BTRC: variants seen among roughly 807,000 people sequenced by gnomAD.
BTRC encodes the protein F-box/WD repeat-containing protein 1A.
A neutral mutation model predicts 85.5 loss-of-function variants in BTRC; 42 were observed. That is an observed-to-expected ratio of 0.49 (90% CI 0.38 to 0.64). The LOEUF is 0.64. BTRC is among the 30% of genes least tolerant of loss of function. The pLI, the probability that BTRC is intolerant of heterozygous loss-of-function variation, is 0.00. For synonymous variants in BTRC, 255 were observed against 263.3 expected, an observed-to-expected ratio of 0.97 and a Z score of 0.30; for missense variants, 594 against 743.5, an observed-to-expected ratio of 0.80 and a Z score of 2.34.
chr10:101,545,655 G>A (rs1480805135), intron 13 of BTRC, among the ~76,000 whole-genome samples: 2 of 152,186 alleles, frequency 1.3e-5, no homozygotes, highest in African/African-American at 2.4e-5. Context: ...AGAAGCATCA[G>A]AATGAAACCA....
At chr10:101,456,588 T>C (rs181787665) in intron 2 of BTRC, among the ~76,000 whole-genome samples, 3 of 152,360 alleles carry the variant, frequency 2.0e-5, no homozygotes, top group Admixed American at 6.5e-5. Flanking sequence ...AATTACTTTC[T>C]TTTTTATTCG....
At chr10:101,475,922 CATATATATATATATATATATAT>C (rs71016324) in intron 3 of BTRC, among the ~76,000 whole-genome samples, 1 of 67,570 alleles carries the variant, frequency 1.5e-5, no homozygotes, top group East Asian at 4.6e-4. Context: ...AGTATTTTGC[CATATATATATATATATATATAT>C]ATATATATAT....
intron 2 of BTRC, among the ~76,000 whole-genome samples, chr10:101,438,422 C>CAAAAAAAAAAAAA (rs34955428): frequency 5.2e-5 from 3 of 57,762 alleles, no homozygotes; most frequent in African/African-American, 2.3e-4. Context: ...GAGACTGCCT[C>CAAAAAAAAAAAAA]AAAAAAAAAA....
chr10:101,506,562 G>A (rs1946546604), intron 4 of BTRC, among the ~76,000 whole-genome samples: 1 of 152,078 alleles, frequency 6.6e-6, no homozygotes, highest in African/African-American at 2.4e-5. Flanking sequence ...ATTGTCCTTG[G>A]TAGTGTTGGT....
rs377201447 is a variant in BTRC at position 101,480,620 on chromosome 10, C to T, written c.324+1163C>T. On this transcript the variant is annotated intron_variant, in intron 4 of 14. Transcript: ENST00000370187. ...CTTCATGAATTTTGGAGAACACAAA[C>T]GTTCAGACCATAGCAAAAGCAGAGT... is the stretch of plus-strand genomic sequence containing the variant. 1.2e-4 allele frequency among the ~76,000 whole-genome samples: 18 copies of T among 152,204 alleles called. No individual in the cohort carries two copies. The South Asian group carries it at 3.5e-3, about 30-fold the overall frequency.
chr10:101,514,694 C>A (rs1294018365), intron 4 of BTRC, among the ~76,000 whole-genome samples: 1 of 152,176 alleles, frequency 6.6e-6, no homozygotes, highest in East Asian at 1.9e-4. Flanking sequence ...CTCAGGTGAT[C>A]TGCCTGCCTC....
intron 13 of BTRC, among the ~76,000 whole-genome samples, chr10:101,541,044 ATATACT>A (rs1050819976): frequency 6.6e-5 from 10 of 151,528 alleles, no homozygotes; most frequent in African/African-American, 2.4e-4. Flanking sequence ...ATACATAGAA[ATATACT>A]TTTACTTATT....
At chr10:101,366,743 C>A (rs1942386570) in intron 1 of BTRC, among the ~76,000 whole-genome samples, 3 of 124,970 alleles carry the variant, frequency 2.4e-5, no homozygotes, top group East Asian at 2.3e-4. Flanking sequence ...ATTGGAGGCC[C>A]AGGGAGTTTG....
chr10:101,525,608 A>G (rs2062178902), intron 5 of BTRC, among the ~76,000 whole-genome samples: 1 of 152,188 alleles, frequency 6.6e-6, no homozygotes, highest in Admixed American at 6.5e-5. Context: ...TAATAGAAAC[A>G]GAATGAGAAA....
intron 13 of BTRC, among the ~76,000 whole-genome samples, chr10:101,547,874 C>T (rs1185349543): frequency 1.3e-5 from 2 of 152,104 alleles, no homozygotes; most frequent in African/African-American, 4.8e-5. Flanking sequence ...CAGTGTAATC[C>T]ATCACATCAG....
chr10:101,532,098 A>C (rs1256382728), intron 7 of BTRC, among the ~76,000 whole-genome samples, 197 bp from the exon 8 acceptor site: 2 of 152,242 alleles, frequency 1.3e-5, no homozygotes, highest in African/African-American at 4.8e-5. Context: ...TCTAGGAAAC[A>C]ACCTTTAATT....
At chr10:101,507,202 A>G in intron 4 of BTRC, among the ~76,000 whole-genome samples, 1 of 152,200 alleles carries the variant, frequency 6.6e-6, no homozygotes, top group East Asian at 1.9e-4. Flanking sequence ...CAGTACGTAG[A>G]AAGTTAACTG....
intron 2 of BTRC, among the ~76,000 whole-genome samples, chr10:101,446,114 C>G (rs927505041): frequency 1.4e-4 from 19 of 133,422 alleles, no homozygotes; most frequent in Non-Finnish European, 6.4e-5. Context: ...CCCCCCACCC[C>G]CCCAACCCCC....
intron 2 of BTRC, among the ~76,000 whole-genome samples, chr10:101,436,170 A>G (rs911100747): frequency 6.6e-6 from 1 of 152,202 alleles, no homozygotes; most frequent in African/African-American, 2.4e-5. Flanking sequence ...TCTGTTGATT[A>G]CCAGTAGATA....
intron 1 of BTRC, among the ~76,000 whole-genome samples, chr10:101,358,192 C>T (rs1942097894): frequency 6.6e-6 from 1 of 152,208 alleles, no homozygotes; most frequent in Non-Finnish European, 1.5e-5. Flanking sequence ...GCCTCAAACT[C>T]CCAGGCTCAC....
At chr10:101,391,522 G>T (rs548914861) in intron 1 of BTRC, among the ~76,000 whole-genome samples, 2 of 152,186 alleles carry the variant, frequency 1.3e-5, no homozygotes, top group Admixed American at 1.3e-4. Flanking sequence ...CACAACCTTC[G>T]TAGTTCAGCC....
chr10:101,388,379 G>A, intron 1 of BTRC, among the ~76,000 whole-genome samples: 1 of 151,844 alleles, frequency 6.6e-6, no homozygotes, highest in East Asian at 1.9e-4. Flanking sequence ...TTTTTGTAGA[G>A]ACAGGGTCTC....
At chr10:101,407,618 C>T (rs1215238437) in intron 1 of BTRC, among the ~76,000 whole-genome samples, 1 of 152,034 alleles carries the variant, frequency 6.6e-6, no homozygotes, top group Non-Finnish European at 1.5e-5. Flanking sequence ...CTTGAACTCC[C>T]GAGCTCAGGC....
At chr10:101,500,886 G>T (rs1173499739) in intron 4 of BTRC, among the ~76,000 whole-genome samples, 3 of 152,090 alleles carry the variant, frequency 2.0e-5, no homozygotes, top group African/African-American at 7.2e-5. Context: ...AAATAATATT[G>T]TGAAAAATGT....
Sources: gnomAD v4.1 joint callset for allele counts (sites outside exome capture counted in the v4.1 genomes callset) on GRCh38, gnomAD v4.1.1 for gene constraint, MANE v1.5 for transcripts, NCBI Gene and HGNC (gene_info 2026-07-23, HGNC 2026-07-21) for gene names.